DBNDD1: variants seen among roughly 807,000 people sequenced by gnomAD.
The protein encoded by DBNDD1 is dysbindin domain-containing protein 1.
A neutral mutation model predicts 17.0 loss-of-function variants in DBNDD1; 14 were observed. That is an observed-to-expected ratio of 0.82 (90% CI 0.54 to 1.29). The LOEUF (loss-of-function observed/expected upper bound fraction) is 1.29, where lower values mean the gene tolerates loss of function less well. DBNDD1 is among the 50% of genes most tolerant of loss of function. DBNDD1 has a pLI of 0.00. For synonymous variants in DBNDD1, 105 were observed against 102.0 expected (o/e 1.03, Z -0.18); for missense variants, 221 against 216.2 (o/e 1.02, Z -0.14).
chr16:90,008,303 C>T (rs2035474889), intron 3 of DBNDD1, among the ~76,000 whole-genome samples: 1 of 12,744 alleles, frequency 7.8e-5, no homozygotes. Context: ...CCCCCAAACA[C>T]ACCTCCCAGG....
intron 1 of DBNDD1, among the ~76,000 whole-genome samples, chr16:90,016,625 C>G (rs1004985051): frequency 6.6e-6 from 1 of 152,166 alleles, no homozygotes; most frequent in African/African-American, 2.4e-5. Context: ...AGCACCTCAG[C>G]GAGGGAGCCA....
In DBNDD1 at chr16:90,006,237, C is replaced by G; in HGVS notation, c.*98G>C. On this transcript the variant is annotated 3_prime_UTR_variant, in exon 4 of 4. Transcript: ENST00000002501. ...TGTCAGGAGGTGACGGCTGGAGCCT[C>G]GTGGGCGGGTGAAGTGTGTCTGCTG... 1 of 1,448,316 alleles carries G rather than the reference C, an allele frequency of 6.9e-7. No homozygotes were observed. Among genetic ancestry groups the G allele is most frequent in the Non-Finnish European group, 9.2e-7 (1 of 1,085,770 alleles). The allele number at this position is 1,448,316 out of a possible 1,614,324, so 89.7% of individuals were successfully genotyped here. A position where few individuals can be genotyped will look rare whatever the true frequency, so the allele number is the denominator to read the frequency against.
rs773470207 is a variant in DBNDD1 at position 90,006,178 on chromosome 16, C to G, written c.*157G>C. On this transcript the variant is annotated 3_prime_UTR_variant, in exon 4 of 4. Transcript: ENST00000002501. ...CCCGTGCCCAGCAGACAAGGCCGGT[C>G]TCGGGGCTGGCAGAGAGCTGCCCCC... 1 of 1,089,296 alleles carries G rather than the reference C, an allele frequency of 9.2e-7. No homozygotes were observed. Among genetic ancestry groups the G allele is most frequent in the Non-Finnish European group, 1.3e-6 (1 of 782,072 alleles). 67.5% of individuals were successfully genotyped at this position (1,089,296 alleles called of 1,614,324 possible).
chr16:90,019,670 G>C (rs1396898447), upstream of DBNDD1: 5 of 519,984 alleles, frequency 9.6e-6, no homozygotes, highest in African/African-American at 4.1e-5. The surrounding 1 kb of genome is among the most constrained non-coding windows in gnomAD (Gnocchi z 6.1). Flanking sequence ...GGACACCACC[G>C]GGACCTGGCT....
chr16:90,013,301 T>A (rs2035588844), intron 1 of DBNDD1, among the ~76,000 whole-genome samples: 2 of 73,194 alleles, frequency 2.7e-5, no homozygotes. Flanking sequence ...GCTTATGGTT[T>A]TCTAGTACAG....
At position 90,009,447 on chromosome 16, in the gene DBNDD1, A is replaced by G. The variant is rs2151261367; in HGVS notation, c.32-17T>C. 1 of 1,608,050 alleles carries G rather than the reference A, an allele frequency of 6.2e-7. No individual in the cohort carries two copies. Among genetic ancestry groups the G allele is most frequent in the Non-Finnish European group, 8.5e-7 (1 of 1,179,846 alleles). ...TAACGATCTCTGCATCCAAAGACAC[A>G]GTGTCACCTTGAGATCCACAGGGCT... On this transcript the variant is annotated splice_polypyrimidine_tract_variant and intron_variant, in intron 1 of 3. Coordinates refer to ENST00000002501, the MANE Select transcript of DBNDD1 (RefSeq NM_001042610.3).
intron 1 of DBNDD1, among the ~76,000 whole-genome samples, chr16:90,016,954 C>A (rs974974152): frequency 1.3e-5 from 2 of 152,196 alleles, no homozygotes; most frequent in African/African-American, 2.4e-5. Context: ...TTTGGACCCC[C>A]AAAGTATTTC....
chr16:90,012,754 TG>T (rs2035576480), intron 1 of DBNDD1, among the ~76,000 whole-genome samples: 1 of 151,858 alleles, frequency 6.6e-6, no homozygotes, highest in Non-Finnish European at 1.5e-5. Flanking sequence ...CCACCGCACC[TG>T]GCCTCTCTCT....
chr16:90,014,016 G>A (rs2035598658), intron 1 of DBNDD1, among the ~76,000 whole-genome samples: 1 of 152,152 alleles, frequency 6.6e-6, no homozygotes, highest in South Asian at 2.1e-4. Flanking sequence ...GTGTGTGCAG[G>A]TCGTGTGGAG....
Position 90,006,148 on chromosome 16 carries a change from G to T in DBNDD1, c.*187C>A. 1 of 875,204 alleles carries T rather than the reference G, an allele frequency of 1.1e-6. No homozygotes were observed. The highest frequency in any genetic ancestry group is 1.7e-6 in the Non-Finnish European group (1 of 598,536). The allele number at this position is 875,204 out of a possible 1,614,324, so 54.2% of individuals were successfully genotyped here. A position where few individuals can be genotyped will look rare whatever the true frequency, so the allele number is the denominator to read the frequency against. On this transcript the variant is annotated 3_prime_UTR_variant, in exon 4 of 4. Transcript: ENST00000002501. ...AAGCCGGCTGGTCTCCAAGTGAGGC[G>T]AAGACCCGTGCCCAGCAGACAAGGC...
chr16:90,014,597 A>C (rs1164081584), intron 1 of DBNDD1, among the ~76,000 whole-genome samples: 1 of 152,194 alleles, frequency 6.6e-6, no homozygotes, highest in Non-Finnish European at 1.5e-5. Context: ...AGCAGTCCTC[A>C]TTATAGATCC....
At chr16:90,015,634 C>T (rs1475154623) in intron 1 of DBNDD1, among the ~76,000 whole-genome samples, 1 of 152,182 alleles carries the variant, frequency 6.6e-6, no homozygotes, top group Non-Finnish European at 1.5e-5. Context: ...AATGGATAAA[C>T]AGAATGTGGT....
At chr16:90,012,917 T>C (rs2035579669) in intron 1 of DBNDD1, among the ~76,000 whole-genome samples, 1 of 151,986 alleles carries the variant, frequency 6.6e-6, no homozygotes, top group Non-Finnish European at 1.5e-5. Flanking sequence ...AAAATTTTTT[T>C]GGTAGAGACA....
rs956875055 is a variant in DBNDD1 at position 90,005,379 on chromosome 16, G to A, written c.*956C>T. 2 of 152,110 alleles carry A rather than the reference G, an allele frequency of 1.3e-5. No homozygotes were observed. The allele number at this position is 152,110 out of a possible 1,614,324, so 9.4% of individuals were successfully genotyped here. A position where few individuals can be genotyped will look rare whatever the true frequency, so the allele number is the denominator to read the frequency against. On this transcript the variant is annotated 3_prime_UTR_variant, in exon 4 of 4. Coordinates refer to ENST00000002501, the MANE Select transcript of DBNDD1 (RefSeq NM_001042610.3). ...GGGAGGGTGTGAGCTGGGGCTCCCA[G>A]ACACCCCCAGAGCAGAGGGAGCAGG...
chr16:90,019,237 C>G lies in DBNDD1; in HGVS notation c.31+74G>C. On this transcript the variant is annotated intron_variant, in intron 1 of 3. Transcript: ENST00000002501. The surrounding 1 kb of genome is among the most constrained non-coding windows in gnomAD (Gnocchi z 6.1). ...ACTCCCGGGAGCGGCGAAGGGTGAG[C>G]CCTGGGGGGAGGGGCTGCGGCTCGC... 1 of 775,304 alleles carries G rather than the reference C, an allele frequency of 1.3e-6. No individual in the cohort carries two copies. The highest frequency in any genetic ancestry group is 3.5e-5 in the East Asian group (1 of 28,260). 48.0% of individuals were successfully genotyped at this position (775,304 alleles called of 1,614,324 possible).
intron 1 of DBNDD1, among the ~76,000 whole-genome samples, chr16:90,012,915 T>C (rs1156986811): frequency 6.6e-6 from 1 of 151,912 alleles, no homozygotes; most frequent in Non-Finnish European, 1.5e-5. Flanking sequence ...TTAAAATTTT[T>C]TTGGTAGAGA....
chr16:90,009,804 C>T (rs2035517245), intron 1 of DBNDD1: 1 of 805,544 alleles, frequency 1.2e-6, no homozygotes, highest in Non-Finnish European at 2.0e-6. Context: ...CCAGGGTCCC[C>T]TGAAGGATCG....
At chr16:90,014,590 A>C (rs976794128) in intron 1 of DBNDD1, among the ~76,000 whole-genome samples, 6 of 152,206 alleles carry the variant, frequency 3.9e-5, no homozygotes, top group Non-Finnish European at 7.3e-5. Flanking sequence ...GAATGCCAGC[A>C]GTCCTCATTA....
At chr16:90,009,962 G>A in intron 1 of DBNDD1, 3 of 1,613,664 alleles carry the variant, frequency 1.9e-6, no homozygotes, top group Non-Finnish European at 2.5e-6. Context: ...CAAACCAGGA[G>A]GAATAGGCAG....
Sources: allele counts gnomAD v4.1 joint callset (sites outside exome capture counted in the v4.1 genomes callset), GRCh38; gene constraint gnomAD v4.1.1; non-coding constraint Gnocchi (gnomAD v3.1); transcripts MANE v1.5; gene names NCBI Gene and HGNC (gene_info 2026-07-23, HGNC 2026-07-21).